Variants in FOXN1 observed in about 807,000 individuals in gnomAD.
FOXN1 encodes the protein forkhead box protein N1.
A neutral mutation model predicts 49.0 loss-of-function variants in FOXN1; 15 were observed. The ratio of observed to expected loss-of-function variants is 0.31; its 90% confidence interval spans 0.20 to 0.47. The LOEUF is 0.47. Among genes scored for constraint, FOXN1 ranks in the 20% least tolerant of loss-of-function variants. FOXN1 has a pLI of 1.00. For synonymous variants in FOXN1, 356 were observed against 369.0 expected, an observed-to-expected ratio of 0.96 and a Z score of 0.40; for missense variants, 800 against 842.8, an observed-to-expected ratio of 0.95 and a Z score of 0.63.
intron 5 of FOXN1, among the ~76,000 whole-genome samples, chr17:28,529,936 A>G (rs927500506): frequency 6.6e-6 from 1 of 152,054 alleles, no homozygotes; most frequent in Non-Finnish European, 1.5e-5. Context: ...AAATGAGTTC[A>G]AGACCAGCTG....
At chr17:28,515,933 G>A (rs993879930) in intron 1 of FOXN1, among the ~76,000 whole-genome samples, 2 of 150,330 alleles carry the variant, frequency 1.3e-5, no homozygotes, top group Admixed American at 6.6e-5. Context: ...ATTTCCACAG[G>A]TATACCCTCC....
At position 28,524,714 on chromosome 17, in the gene FOXN1, C is replaced by G. The variant is rs761166991; in HGVS notation, c.335C>G (p.Pro112Arg). 13 of 1,612,608 alleles carry G rather than the reference C, an allele frequency of 8.1e-6. No individual in the cohort carries two copies. Among genetic ancestry groups the G allele is most frequent in the Non-Finnish European group, 1.1e-5 (13 of 1,179,518 alleles). The change falls in exon 3 of 9, where the codon CCT (proline) becomes CGT (arginine). Residue 112 changes from proline to arginine, a missense_variant. Physicochemically the swap from Pro to Arg is moderately radical, Grantham distance 103 (BLOSUM62 -2). Transcript: ENST00000579795. ...TTTGAGGAGGCCGCAGCAAGCAGCC[C>G]TGGGCGATTCCTCAAGGGCAGCCAC... ...FGFEEAAASS[P>R]GRFLKGSHAP...
intron 1 of FOXN1, among the ~76,000 whole-genome samples, chr17:28,521,113 C>T (rs891219991): frequency 6.6e-6 from 1 of 152,192 alleles, no homozygotes; most frequent in African/African-American, 2.4e-5. Flanking sequence ...GATGACCCTG[C>T]GAGGTGGGTC....
rs546669769 is a variant in FOXN1 at position 28,517,383 on chromosome 17, C to T, written c.-14-6573C>T. Among the ~76,000 whole-genome samples the T allele has an allele frequency of 1.1e-4, 16 of 150,352 alleles. No individual in the cohort carries two copies. The East Asian group carries it at 2.8e-3, about 26-fold the overall frequency. On this transcript the variant is annotated intron_variant, in intron 1 of 8. Coordinates refer to ENST00000579795, the MANE Select transcript of FOXN1 (RefSeq NM_001369369.1). ...CACCTCCACAGGGCAGACACCTCCA[C>T]AGGATCCATAGTTCCATAGGGTACA...
chr17:28,530,072 A>G (rs1188896086), intron 5 of FOXN1, among the ~76,000 whole-genome samples: 2 of 152,116 alleles, frequency 1.3e-5, no homozygotes, highest in African/African-American at 2.4e-5. Context: ...GTTAGGAGAA[A>G]TATCTAATGT....
In FOXN1 at chr17:28,537,655, C is replaced by A; in HGVS notation, c.*219C>A. 1.6e-6 allele frequency: 1 copy of A among 617,986 alleles called. No individual in the cohort carries two copies. The highest frequency in any genetic ancestry group is 2.8e-5 in the East Asian group (1 of 36,220). The allele number at this position is 617,986 out of a possible 1,614,324, so 38.3% of individuals were successfully genotyped here. On this transcript the variant is annotated 3_prime_UTR_variant, in exon 9 of 9. Transcript: ENST00000579795. Reference sequence around the variant, plus strand: ...TGCCACGTGGTGGCCCAGCTCCTCACCCAGGGCCCCCAAAGAGCAAGCGTC... The same window carrying A: ...TGCCACGTGGTGGCCCAGCTCCTCAACCAGGGCCCCCAAAGAGCAAGCGTC...
intron 5 of FOXN1, among the ~76,000 whole-genome samples, 170 bp downstream of exon 5, chr17:28,529,394 T>G (rs2069852315): frequency 6.6e-6 from 1 of 152,154 alleles, no homozygotes. Flanking sequence ...GGCAGGGGCA[T>G]AGACTGGATC....
At chr17:28,510,223 C>A (rs1555606784) in intron 1 of FOXN1, among the ~76,000 whole-genome samples, 1 of 152,146 alleles carries the variant, frequency 6.6e-6, no homozygotes, top group East Asian at 1.9e-4. Context: ...CCCTCCGGGG[C>A]CTTCAGGGCT....
intron 6 of FOXN1, among the ~76,000 whole-genome samples, chr17:28,533,218 G>C (rs562748496): frequency 1.3e-5 from 2 of 152,174 alleles, no homozygotes; most frequent in African/African-American, 4.8e-5. Context: ...TGGGCTGAAA[G>C]GGGGAGGGGC....
intron 8 of FOXN1, among the ~76,000 whole-genome samples, chr17:28,535,756 CA>C (rs1191076721): frequency 6.6e-6 from 1 of 152,130 alleles, no homozygotes; most frequent in South Asian, 2.1e-4. Flanking sequence ...AACAAACAAA[CA>C]AAAAAACCAC....
At chr17:28,516,424 C>G (rs1472435698) in intron 1 of FOXN1, among the ~76,000 whole-genome samples, 5 of 151,336 alleles carry the variant, frequency 3.3e-5, no homozygotes, top group Non-Finnish European at 1.5e-5. Flanking sequence ...GTACATGCCT[C>G]CACAGAGTAC....
intron 1 of FOXN1, among the ~76,000 whole-genome samples, chr17:28,519,434 G>T (rs2069596152): frequency 6.6e-6 from 1 of 152,154 alleles, no homozygotes; most frequent in South Asian, 2.1e-4. Flanking sequence ...TCAGCCTCTA[G>T]TCCAGGAAGC....
intron 1 of FOXN1, among the ~76,000 whole-genome samples, chr17:28,522,175 C>G (rs2069654779): frequency 6.6e-6 from 1 of 152,252 alleles, no homozygotes; most frequent in South Asian, 2.1e-4. Context: ...AATAATGCTC[C>G]TTCCTCTCAT....
intron 1 of FOXN1, among the ~76,000 whole-genome samples, chr17:28,520,602 G>C (rs1224437244): frequency 6.6e-6 from 1 of 152,222 alleles, no homozygotes; most frequent in Non-Finnish European, 1.5e-5. Context: ...GGAGGTAGCA[G>C]GGTGGTTTGG....
At chr17:28,530,098 G>T (rs1050092199) in intron 5 of FOXN1, among the ~76,000 whole-genome samples, 1 of 151,992 alleles carries the variant, frequency 6.6e-6, no homozygotes, top group Non-Finnish European at 1.5e-5. Flanking sequence ...ACGGGTTGAC[G>T]GGTGTAGCAA....
intron 1 of FOXN1, among the ~76,000 whole-genome samples, chr17:28,515,333 C>T (rs911020526): frequency 1.3e-5 from 2 of 151,448 alleles, no homozygotes; most frequent in African/African-American, 4.9e-5. Context: ...CATACCTCCA[C>T]AGGGTACACA....
At chr17:28,522,951 TTTTG>T (rs2069670765) in intron 1 of FOXN1, among the ~76,000 whole-genome samples, 1 of 152,252 alleles carries the variant, frequency 6.6e-6, no homozygotes, top group East Asian at 1.9e-4. Context: ...CTGCGCATGA[TTTTG>T]TTTGACACTC....
At chr17:28,521,621 C>T (rs2069643550) in intron 1 of FOXN1, among the ~76,000 whole-genome samples, 3 of 152,242 alleles carry the variant, frequency 2.0e-5, no homozygotes, top group Admixed American at 2.0e-4. Flanking sequence ...TGAGCAGGCG[C>T]CAGGACATCA....
intron 1 of FOXN1, among the ~76,000 whole-genome samples, chr17:28,519,571 G>A (rs2069599000): frequency 6.6e-6 from 1 of 152,082 alleles, no homozygotes; most frequent in African/African-American, 2.4e-5. Flanking sequence ...GCTGATACTT[G>A]CACACACATC....
Sources: gnomAD v4.1 joint callset for allele counts (sites outside exome capture counted in the v4.1 genomes callset) on GRCh38, gnomAD v4.1.1 for gene constraint, MANE v1.5 for transcripts, NCBI Gene and HGNC (gene_info 2026-07-23, HGNC 2026-07-21) for gene names.